The following COX10 variants were observed in gnomAD, a reference collection of about 807,000 sequenced individuals.
COX10 encodes protoheme IX farnesyltransferase, mitochondrial.
COX10 carries 27 observed loss-of-function variants against 37.3 expected under a neutral mutation model. The ratio of observed to expected loss-of-function variants is 0.72; its 90% CI spans 0.53 to 1.00. The LOEUF (loss-of-function observed/expected upper bound fraction) is 1.00, where lower values mean the gene tolerates loss of function less well. Ranked by LOEUF, COX10 falls within the 50% of genes least tolerant of loss-of-function variation. The probability of loss-of-function intolerance (pLI) is 0.00; values close to 1 mark genes in which losing one functional copy is unlikely to be tolerated. For synonymous variants in COX10, 222 were observed against 229.1 expected, an observed-to-expected ratio of 0.97 and a Z score of 0.28; for missense variants, 475 against 563.2, an observed-to-expected ratio of 0.84 and a Z score of 1.59.
At chr17:14,091,257 C>T (rs1408601860) in intron 3 of COX10, among the ~76,000 whole-genome samples, 1 of 152,142 alleles carries the variant, frequency 6.6e-6, no homozygotes, top group Admixed American at 6.6e-5. Flanking sequence ...TAAAGTTCAT[C>T]AAATTTGTGA....
chr17:14,130,607 TAAAGTA>T (rs1357901032), intron 4 of COX10, among the ~76,000 whole-genome samples: 4 of 152,252 alleles, frequency 2.6e-5, no homozygotes, highest in African/African-American at 9.6e-5. Flanking sequence ...TTCTAAGAGT[TAAAGTA>T]AATCTGTTAA....
chr17:14,134,154 G>A (rs12943936), intron 4 of COX10, among the ~76,000 whole-genome samples: 46,870 of 151,398 alleles, frequency 0.31, 8,692 homozygotes, highest in Non-Finnish European at 0.41. Flanking sequence ...TTCAACAAAT[G>A]TTAATGCCTG....
intron 3 of COX10, among the ~76,000 whole-genome samples, chr17:14,078,713 C>G (rs1915213334): frequency 6.6e-6 from 1 of 152,194 alleles, no homozygotes; most frequent in Admixed American, 6.5e-5. Flanking sequence ...CGTTGCCAAA[C>G]TAACTTACCC....
rs1262012545 is a variant in COX10, at chr17:14,076,763, A to T, written c.206A>T (p.Asn69Ile). Residue 69 changes from asparagine to isoleucine, a missense_variant, in exon 3 of 7, where the codon AAC becomes ATC. Transcript: ENST00000261643. ...MYVTQLNRSH[N>I]QQVRPKPEPV... ...GTCACACAGCTGAACAGAAGCCACA[A>T]CCAGCAAGTAAGACCCAAGCCAGAA... 6.2e-7 allele frequency: 1 copy of T among 1,614,216 alleles called. No individual in the cohort carries two copies. Among genetic ancestry groups the T allele is most frequent in the Admixed American group, 1.7e-5 (1 of 60,032 alleles).
At chr17:14,095,693 T>G (rs1053968931) in intron 3 of COX10, among the ~76,000 whole-genome samples, 2 of 152,174 alleles carry the variant, frequency 1.3e-5, no homozygotes, top group African/African-American at 4.8e-5. Context: ...TGGTTGAGAC[T>G]GTTCTCATCT....
At chr17:14,165,876 G>A (rs1479347125) in intron 5 of COX10, among the ~76,000 whole-genome samples, 4 of 152,194 alleles carry the variant, frequency 2.6e-5, no homozygotes, top group African/African-American at 7.2e-5. Flanking sequence ...TAGCAATCTG[G>A]CTATATCTAA....
intron 6 of COX10, among the ~76,000 whole-genome samples, chr17:14,197,967 G>A (rs542605745): frequency 2.0e-5 from 3 of 152,214 alleles, no homozygotes; most frequent in South Asian, 4.1e-4. Flanking sequence ...CCTCTCACCT[G>A]CCTAATTACC....
At chr17:14,076,022 C>T (rs979383908) in intron 2 of COX10, among the ~76,000 whole-genome samples, 1 of 150,504 alleles carries the variant, frequency 6.6e-6, no homozygotes, top group Non-Finnish European at 1.5e-5. Flanking sequence ...ATCATTCAGC[C>T]CTGGATTATG....
At chr17:14,131,176 C>T (rs539114031) in intron 4 of COX10, among the ~76,000 whole-genome samples, 1 of 152,230 alleles carries the variant, frequency 6.6e-6, no homozygotes, top group East Asian at 1.9e-4. Context: ...AAGAGGAAGT[C>T]AAAGGGCTTT....
intron 6 of COX10, among the ~76,000 whole-genome samples, chr17:14,197,121 G>T (rs967225431): frequency 1.3e-5 from 2 of 152,182 alleles, no homozygotes; most frequent in Non-Finnish European, 2.9e-5. Flanking sequence ...AAATCCTGCA[G>T]CCTCATATAT....
chr17:14,154,935 G>A (rs967874625), intron 4 of COX10, among the ~76,000 whole-genome samples: 22 of 152,316 alleles, frequency 1.4e-4, no homozygotes, highest in African/African-American at 5.3e-4. Context: ...CTTGAAAGTA[G>A]CGTTAGGGCT....
At chr17:14,179,833 G>A (rs1597539225) in intron 5 of COX10, among the ~76,000 whole-genome samples, 1 of 151,552 alleles carries the variant, frequency 6.6e-6, no homozygotes, top group Admixed American at 6.6e-5. Context: ...TTAGGTGTGG[G>A]CTGTAAGCAG....
At chr17:14,185,045 C>T (rs1353264348) in intron 5 of COX10, among the ~76,000 whole-genome samples, 2 of 150,052 alleles carry the variant, frequency 1.3e-5, no homozygotes, top group African/African-American at 4.9e-5. Flanking sequence ...CCTTTCTTCT[C>T]CTCATCTTGC....
intron 6 of COX10, among the ~76,000 whole-genome samples, chr17:14,201,527 T>C (rs1322691832): frequency 6.6e-6 from 1 of 152,112 alleles, no homozygotes; most frequent in Non-Finnish European, 1.5e-5. Context: ...CTGAAAAAAG[T>C]GTATTGAGCA....
intron 6 of COX10, among the ~76,000 whole-genome samples, chr17:14,201,528 G>A (rs933647602): frequency 2.6e-5 from 4 of 152,182 alleles, no homozygotes; most frequent in African/African-American, 7.2e-5. Flanking sequence ...TGAAAAAAGT[G>A]TATTGAGCAA....
At chr17:14,189,584 G>A (rs1281379859) in intron 5 of COX10, among the ~76,000 whole-genome samples, 3 of 152,194 alleles carry the variant, frequency 2.0e-5, no homozygotes, top group African/African-American at 4.8e-5. Flanking sequence ...TCAAACTGAT[G>A]TCTTATCCTC....
intron 5 of COX10, among the ~76,000 whole-genome samples, chr17:14,180,947 G>C (rs968777904): frequency 1.8e-4 from 27 of 152,230 alleles, no homozygotes; most frequent in African/African-American, 6.5e-4. Context: ...AAGATGAATA[G>C]TGCAAAGTCA....
At chr17:14,202,566 A>G (rs1395521074) in intron 6 of COX10, among the ~76,000 whole-genome samples, 1 of 152,172 alleles carries the variant, frequency 6.6e-6, no homozygotes, top group Non-Finnish European at 1.5e-5. Context: ...TCGAAAGCAT[A>G]TGTGTAACTG....
chr17:14,188,443 A>C (rs1484491878), intron 5 of COX10, among the ~76,000 whole-genome samples: 1 of 139,526 alleles, frequency 7.2e-6, no homozygotes, highest in East Asian at 2.0e-4. Flanking sequence ...CTTCAAAAAG[A>C]TTATGGAAAA....
Sources: allele counts gnomAD v4.1 joint callset (sites outside exome capture counted in the v4.1 genomes callset), GRCh38; gene constraint gnomAD v4.1.1; transcripts MANE v1.5; gene names NCBI Gene and HGNC (gene_info 2026-07-23, HGNC 2026-07-21).